PLA2R1: variants seen among roughly 807,000 people sequenced by gnomAD.
The protein encoded by PLA2R1 is secretory phospholipase A2 receptor.
PLA2R1 carries 158 observed loss-of-function variants against 195.9 expected under a neutral mutation model. The ratio of observed to expected loss-of-function variants is 0.81; its 90% CI spans 0.71 to 0.92. The LOEUF is 0.92. Among genes scored for constraint, PLA2R1 ranks in the 40% least tolerant of loss-of-function variants. The pLI is 0.00. For synonymous variants in PLA2R1, 586 were observed against 598.2 expected, an observed-to-expected ratio of 0.98 and a Z score of 0.30; for missense variants, 1,626 against 1,764.6, an observed-to-expected ratio of 0.92 and a Z score of 1.41.
At chr2:159,987,024 T>C in intron 12 of PLA2R1, 132 bp downstream of exon 12, 1 of 644,198 alleles carries the variant, frequency 1.6e-6, no homozygotes, top group African/African-American at 1.8e-5. Context: ...CAAATGTTGA[T>C]TAAGCACCTG....
intron 1 of PLA2R1, among the ~76,000 whole-genome samples, chr2:160,051,887 T>C (rs1361854368): frequency 6.6e-6 from 1 of 152,216 alleles, no homozygotes; most frequent in East Asian, 1.9e-4. Flanking sequence ...CATCTGAGTT[T>C]TCATGTGTCT....
intron 11 of PLA2R1, among the ~76,000 whole-genome samples, chr2:159,997,948 G>C (rs1349700636): frequency 6.6e-6 from 1 of 152,114 alleles, no homozygotes; most frequent in Non-Finnish European, 1.5e-5. Flanking sequence ...TTAACAGAGA[G>C]AATGTAAACT....
chr2:160,026,378 C>G (rs780301417), intron 6 of PLA2R1, among the ~76,000 whole-genome samples: 2 of 152,076 alleles, frequency 1.3e-5, no homozygotes, highest in Non-Finnish European at 2.9e-5. Flanking sequence ...AGATATTTAT[C>G]CCCAGCTGAA....
At chr2:159,989,552 C>A (rs1690615379) in intron 11 of PLA2R1, among the ~76,000 whole-genome samples, 1 of 152,158 alleles carries the variant, frequency 6.6e-6, no homozygotes, top group African/African-American at 2.4e-5. Flanking sequence ...AGTCTCAGCA[C>A]AAATCTTTAG....
chr2:159,978,927 A>G (rs1256769424), intron 14 of PLA2R1, among the ~76,000 whole-genome samples: 1 of 152,202 alleles, frequency 6.6e-6, no homozygotes, highest in Non-Finnish European at 1.5e-5. Flanking sequence ...TTGGAGTCAG[A>G]CAACCTGTGT....
chr2:159,926,827 CAG>C, the PLA2R1 span, among the ~76,000 whole-genome samples: 46 of 152,134 alleles, frequency 3.0e-4, no homozygotes, highest in Admixed American at 2.9e-3. Flanking sequence ...CCTGAAGAGA[CAG>C]TGTGTTTGCT....
chr2:159,974,145 G>A (rs1269971734), intron 17 of PLA2R1, among the ~76,000 whole-genome samples: 1 of 152,178 alleles, frequency 6.6e-6, no homozygotes, highest in Non-Finnish European at 1.5e-5. Context: ...AGACGAAGCT[G>A]GCAGCCATGT....
rs766614617 is a variant in PLA2R1 at position 159,987,205 on chromosome 2, G to T, written c.1988C>A (p.Pro663His). ...CTCTGACTCCCAGTCCAAATAGCAG[G>T]GGTGAAAGGGCCATCTCTCTTCATA... is the stretch of plus-strand genomic sequence containing the variant. ...AEYEERWPFH[P>H]CYLDWESEPG... is the part of the protein sequence containing the mutation. Residue 663 changes from proline (P) to histidine (H), a missense_variant, in exon 12 of 30, where the codon CCC (proline) becomes CAC (histidine). Physicochemically the swap from Pro to His is moderately conservative, Grantham distance 77 (BLOSUM62 -2). Coordinates refer to ENST00000283243, the MANE Select transcript of PLA2R1 (RefSeq NM_007366.5). 5 of 1,613,928 alleles carry T rather than the reference G, an allele frequency of 3.1e-6. No individual in the cohort carries two copies. The Admixed American group carries it at 8.3e-5, about 27-fold the overall frequency.
intron 1 of PLA2R1, among the ~76,000 whole-genome samples, chr2:160,051,746 G>A (rs1022439180): frequency 2.6e-5 from 4 of 152,152 alleles, no homozygotes; most frequent in African/African-American, 9.7e-5. Flanking sequence ...CAATAAGTGA[G>A]GAATTTCTCA....
intron 3 of PLA2R1, among the ~76,000 whole-genome samples, chr2:160,035,696 T>C (rs1694125910): frequency 6.6e-6 from 1 of 152,218 alleles, no homozygotes; most frequent in South Asian, 2.1e-4. Context: ...CATGGTGTTA[T>C]AAATAGGTGA....
At chr2:159,966,685 T>A (rs774729776) in intron 20 of PLA2R1, among the ~76,000 whole-genome samples, 32 of 152,192 alleles carry the variant, frequency 2.1e-4, no homozygotes, top group Non-Finnish European at 1.2e-4. Flanking sequence ...CCTGCCAATA[T>A]AACTGAACAC....
At chr2:159,970,265 A>G (rs1038814750) in intron 17 of PLA2R1, 53 bp from the exon 18 acceptor site, 33 of 1,256,882 alleles carry the variant, frequency 2.6e-5, no homozygotes, top group African/African-American at 2.5e-4. Flanking sequence ...CTTTTTCACT[A>G]TTAAGAGTAA....
rs1366524186 is a variant in PLA2R1, at chr2:159,946,926, G to C, written c.3851-9C>G. On this transcript the variant is annotated splice_polypyrimidine_tract_variant and intron_variant, in intron 26 of 29. Coordinates refer to ENST00000283243, the MANE Select transcript of PLA2R1 (RefSeq NM_007366.5). The stretch of plus-strand genomic sequence containing the variant: ...TGTTAAAAGATTAGAACCTATAAGA[G>C]AGACAAGTAGCAAAGGAATATTTGT... The C allele has an allele frequency of 6.6e-7, 1 of 1,517,030 alleles. No homozygotes were observed. The highest frequency in any genetic ancestry group is 9.1e-7 in the Non-Finnish European group (1 of 1,103,206). 94.0% of individuals were successfully genotyped at this position (1,517,030 alleles called of 1,614,324 possible).
At chr2:159,965,861 C>T (rs765944123) in intron 20 of PLA2R1, among the ~76,000 whole-genome samples, 1 of 152,118 alleles carries the variant, frequency 6.6e-6, no homozygotes, top group Non-Finnish European at 1.5e-5. Context: ...TGGCAAATCA[C>T]TCATTGTTGT....
intron 1 of PLA2R1, among the ~76,000 whole-genome samples, chr2:160,060,554 T>A (rs899634177): frequency 3.9e-5 from 6 of 152,226 alleles, no homozygotes; most frequent in African/African-American, 1.4e-4. Flanking sequence ...CATTTTCATA[T>A]CTGAAGAATC....
chr2:159,996,661 T>C (rs1233095014), intron 11 of PLA2R1, among the ~76,000 whole-genome samples: 2 of 152,116 alleles, frequency 1.3e-5, no homozygotes, highest in East Asian at 3.8e-4. Flanking sequence ...CTTTTCCTTC[T>C]GATATTCCCA....
intron 11 of PLA2R1, among the ~76,000 whole-genome samples, chr2:160,004,471 C>G (rs1248614358): frequency 1.3e-5 from 2 of 152,126 alleles, no homozygotes; most frequent in Non-Finnish European, 2.9e-5. Flanking sequence ...TGAGGCCACA[C>G]TAAAGGGGAG....
intron 18 of PLA2R1, 106 bp from the exon 19 acceptor site, chr2:159,969,465 TA>T: frequency 1.7e-6 from 1 of 599,320 alleles, no homozygotes; most frequent in Non-Finnish European, 3.0e-6. Flanking sequence ...AATATTCTAT[TA>T]AATTTAAAAA....
chr2:160,031,484 G>A (rs538431577), intron 4 of PLA2R1, among the ~76,000 whole-genome samples: 85 of 152,310 alleles, frequency 5.6e-4, no homozygotes, highest in Admixed American at 1.4e-3. Flanking sequence ...CACACTGAGT[G>A]TTTGTTATGT....
Sources: allele counts gnomAD v4.1 joint callset (sites outside exome capture counted in the v4.1 genomes callset), GRCh38; gene constraint gnomAD v4.1.1; transcripts MANE v1.5; gene names NCBI Gene and HGNC (gene_info 2026-07-23, HGNC 2026-07-21).